Variants in NOL4L observed in about 807,000 individuals in gnomAD.
NOL4L encodes nucleolar protein 4-like.
Under a neutral mutation model 64.5 loss-of-function variants are expected in NOL4L, and 7 were observed. The ratio of observed to expected loss-of-function variants is 0.11; its 90% CI spans 0.06 to 0.20. NOL4L has a LOEUF of 0.20. Among genes scored for constraint, NOL4L ranks in the 10% least tolerant of loss-of-function variants. NOL4L has a pLI of 1.00. For missense variants in NOL4L, 680 were observed against 967.1 expected, an observed-to-expected ratio of 0.70 and a Z score of 3.94; for synonymous variants, 413 against 401.0, an observed-to-expected ratio of 1.03 and a Z score of -0.36.
At chr20:32,528,017 A>G in intron 1 of NOL4L, 104 bp from the exon 2 acceptor site, 1 of 397,362 alleles carries the variant, frequency 2.5e-6, no homozygotes, top group Non-Finnish European at 4.6e-6. Flanking sequence ...TGCCTCCGAC[A>G]GTGGGTCTTG....
chr20:32,518,694 G>T (rs1167627310), intron 3 of NOL4L, among the ~76,000 whole-genome samples: 1 of 152,238 alleles, frequency 6.6e-6, no homozygotes, highest in Admixed American at 6.5e-5. Context: ...GGAAAGGAAC[G>T]GGAGGGGACA....
At chr20:32,578,387 C>T (rs759219976) in intron 1 of NOL4L, among the ~76,000 whole-genome samples, 4 of 152,058 alleles carry the variant, frequency 2.6e-5, no homozygotes, top group Non-Finnish European at 5.9e-5. Flanking sequence ...GGCCTAGCCT[C>T]GTTCTCTGTT....
At chr20:32,451,762 G>A (rs2012927653) in intron 10 of NOL4L, 1 of 153,130 alleles carries the variant, frequency 6.5e-6, no homozygotes, top group African/African-American at 2.4e-5. Flanking sequence ...TGAGGCCTGG[G>A]GAGGGAGCCG....
chr20:32,545,649 G>C (rs978053169), intron 1 of NOL4L, among the ~76,000 whole-genome samples: 2 of 152,194 alleles, frequency 1.3e-5, no homozygotes, highest in African/African-American at 2.4e-5. Flanking sequence ...CACCCTGAAG[G>C]CATCCTTGAC....
intron 1 of NOL4L, among the ~76,000 whole-genome samples, chr20:32,559,319 C>T (rs1178776304): frequency 2.0e-5 from 3 of 152,208 alleles, no homozygotes; most frequent in African/African-American, 7.2e-5. Context: ...ACCCCTGCCT[C>T]AGGTCTTGCA....
intron 4 of NOL4L, among the ~76,000 whole-genome samples, chr20:32,501,636 C>T (rs1268642115): frequency 1.3e-5 from 2 of 151,998 alleles, no homozygotes; most frequent in Non-Finnish European, 2.9e-5. Flanking sequence ...GTACTATCTT[C>T]CCAATTTTTC....
Position 32,453,907 on chromosome 20 carries a change from C to A in NOL4L, c.1120-146G>T. 5.8e-6 allele frequency: 4 copies of A among 694,112 alleles called. No individual in the cohort carries two copies. The highest frequency in any genetic ancestry group is 4.0e-4 in the Middle Eastern group (1 of 2,472). The allele number at this position is 694,112 out of a possible 1,614,324, so 43.0% of individuals were successfully genotyped here. A position where few individuals can be genotyped will look rare whatever the true frequency, so the allele number is the denominator to read the frequency against. ...CATAGCTGCGAGGCCCTGAGCAAGT[C>A]ACTCCCCTCTTCTGCTCCCTTCATC... On this transcript the variant is annotated intron_variant, in intron 6 of 10. Transcript: ENST00000621426. This position sits in a 1 kb window ranked among gnomAD's most constrained non-coding sequence, Gnocchi z 5.6.
At chr20:32,461,540 G>A (rs1165175552) in intron 5 of NOL4L, among the ~76,000 whole-genome samples, 1 of 148,928 alleles carries the variant, frequency 6.7e-6, no homozygotes, top group Non-Finnish European at 1.5e-5. Context: ...CTCCTGCCTC[G>A]GCTTCCCGAG....
intron 4 of NOL4L, among the ~76,000 whole-genome samples, chr20:32,482,358 G>A (rs898745292): frequency 2.6e-5 from 4 of 152,128 alleles, no homozygotes; most frequent in African/African-American, 9.7e-5. Context: ...GCTAATTAGC[G>A]AGGCTTAATG....
chr20:32,557,488 A>G (rs931262184), intron 1 of NOL4L, among the ~76,000 whole-genome samples: 7 of 152,236 alleles, frequency 4.6e-5, no homozygotes, highest in Middle Eastern at 3.2e-3. Flanking sequence ...TCGGTTGGGC[A>G]TGCCCAGTGC....
chr20:32,501,893 A>T (rs929924899), intron 4 of NOL4L, among the ~76,000 whole-genome samples: 2 of 152,214 alleles, frequency 1.3e-5, no homozygotes, highest in Admixed American at 6.5e-5. Context: ...AACTCTGGGG[A>T]ATCCGAAGAA....
rs2012281310 is a variant in NOL4L, at chr20:32,445,303, T to G, written c.*2293A>C. Reference sequence around the variant, plus strand: ...TCTTTAGATCTAATCCTTGTGTGGGTAGGGGGAGGGAGCCCCTTCCCCAGT... The same window carrying G: ...TCTTTAGATCTAATCCTTGTGTGGGGAGGGGGAGGGAGCCCCTTCCCCAGT... On this transcript the variant is annotated 3_prime_UTR_variant, in exon 11 of 11. Transcript: ENST00000621426. The G allele has an allele frequency of 6.6e-6, 1 of 152,182 alleles. No homozygotes were observed. Among genetic ancestry groups the G allele is most frequent in the Non-Finnish European group, 1.5e-5 (1 of 68,032 alleles). 9.4% of individuals were successfully genotyped at this position (152,182 alleles called of 1,614,324 possible). A position where few individuals can be genotyped will look rare whatever the true frequency, so the allele number is the denominator to read the frequency against.
chr20:32,462,910 A>AAAAAAAAAAAAAAC (rs2014212345), intron 5 of NOL4L, among the ~76,000 whole-genome samples: 1 of 150,256 alleles, frequency 6.7e-6, no homozygotes, highest in African/African-American at 2.4e-5. Flanking sequence ...TCTTAAAAAA[A>AAAAAAAAAAAAAAC]AAAAAAAAAA....
intron 1 of NOL4L, among the ~76,000 whole-genome samples, chr20:32,577,473 G>A (rs1378627437): frequency 6.6e-6 from 1 of 152,190 alleles, no homozygotes; most frequent in Non-Finnish European, 1.5e-5. Flanking sequence ...TGCAGGGCAG[G>A]AACCAGTCAG....
rs1267487835 is a variant in NOL4L, at chr20:32,445,540, C to G, written c.*2056G>C. 6.6e-6 allele frequency: 1 copy of G among 152,194 alleles called. No individual in the cohort carries two copies. The highest frequency in any genetic ancestry group is 1.5e-5 in the Non-Finnish European group (1 of 68,044). 9.4% of individuals were successfully genotyped at this position (152,194 alleles called of 1,614,324 possible). On this transcript the variant is annotated 3_prime_UTR_variant, in exon 11 of 11. Coordinates refer to ENST00000621426, the MANE Select transcript of NOL4L (RefSeq NM_001256798.2). Reference sequence around the variant, plus strand: ...TTACTGATTACTTTGTAGTATTGTTCACACACAAAAATAAATATTTACACG... The same window carrying G: ...TTACTGATTACTTTGTAGTATTGTTGACACACAAAAATAAATATTTACACG...
chr20:32,482,558 T>C (rs1043536187), intron 4 of NOL4L, among the ~76,000 whole-genome samples: 10 of 151,644 alleles, frequency 6.6e-5, no homozygotes, highest in Non-Finnish European at 1.0e-4. Context: ...AGGGCGGAGG[T>C]GTAAATCCAA....
intron 5 of NOL4L, among the ~76,000 whole-genome samples, chr20:32,473,216 G>C (rs944000274): frequency 3.2e-4 from 48 of 152,200 alleles, no homozygotes; most frequent in Admixed American, 3.1e-3. Context: ...CCCTTCTTGT[G>C]GGGGACCACA....
intron 5 of NOL4L, among the ~76,000 whole-genome samples, chr20:32,468,917 A>AAAAGAAAGAAAG (rs571287123): frequency 9.1e-6 from 1 of 109,760 alleles, no homozygotes; most frequent in Non-Finnish European, 1.7e-5. Context: ...AAAAAAAAAA[A>AAAAGAAAGAAAG]AAAGAAAGAA....
At chr20:32,475,341 C>G (rs2015320141) in intron 4 of NOL4L, 1 of 985,370 alleles carries the variant, frequency 1.0e-6, no homozygotes, top group South Asian at 4.7e-5. Context: ...CTGAAAGGGC[C>G]AGCCCCAGAA....
Sources: allele counts gnomAD v4.1 joint callset (sites outside exome capture counted in the v4.1 genomes callset), GRCh38; gene constraint gnomAD v4.1.1; non-coding constraint Gnocchi (gnomAD v3.1); transcripts MANE v1.5; gene names NCBI Gene and HGNC (gene_info 2026-07-23, HGNC 2026-07-21).